RNFT2: variants seen among roughly 807,000 people sequenced by gnomAD.
RNFT2 encodes ring finger protein, transmembrane 2.
RNFT2 carries 36 observed loss-of-function variants against 53.0 expected under a neutral mutation model. The ratio of observed to expected loss-of-function variants is 0.68; its 90% CI spans 0.52 to 0.90. RNFT2 has a LOEUF of 0.90. Among genes scored for constraint, RNFT2 ranks in the 40% least tolerant of loss-of-function variants. RNFT2 has a pLI of 0.00. For missense variants in RNFT2, 514 were observed against 585.6 expected (o/e 0.88, Z 1.26); for synonymous variants, 260 against 253.2 (o/e 1.03, Z -0.26).
At chr12:116,826,302 C>T (rs1876335658) in intron 7 of RNFT2, among the ~76,000 whole-genome samples, 1 of 151,990 alleles carries the variant, frequency 6.6e-6, no homozygotes, top group Non-Finnish European at 1.5e-5. Context: ...CTTGACACTC[C>T]CACCCCCTTT....
intron 6 of RNFT2, among the ~76,000 whole-genome samples, chr12:116,771,011 C>T (rs920597642): frequency 6.6e-6 from 1 of 152,086 alleles, no homozygotes; most frequent in Non-Finnish European, 1.5e-5. Flanking sequence ...CATCCATTTA[C>T]GTATCATTTA....
intron 5 of RNFT2, among the ~76,000 whole-genome samples, chr12:116,756,285 G>A (rs111523257): frequency 0.025 from 3,725 of 151,934 alleles, 68 homozygotes; most frequent in Non-Finnish European, 0.036. Context: ...TTTCAACTCC[G>A]TGGTTAGGTA....
chr12:116,807,896 T>A (rs571529798), intron 7 of RNFT2, among the ~76,000 whole-genome samples: 11 of 152,270 alleles, frequency 7.2e-5, no homozygotes, highest in Non-Finnish European at 1.3e-4. Flanking sequence ...CTCAAACTCC[T>A]GGGCTCAAAC....
rs1344069565 is a variant in RNFT2 at position 116,850,187 on chromosome 12, G to A, written c.*739G>A. The A allele has an allele frequency of 1.8e-5, 2 of 110,474 alleles. 1 individual carries two copies. The highest frequency in any genetic ancestry group is 5.6e-4 in the South Asian group (2 of 3,586). The allele number at this position is 110,474 out of a possible 1,614,324, so 6.8% of individuals were successfully genotyped here. A position where few individuals can be genotyped will look rare whatever the true frequency, so the allele number is the denominator to read the frequency against. ...TTTTTTTTTTTGAGACAGGGTCTGG[G>A]TCTTCACCCAGGCTGGAGTGCAGTT... is the stretch of plus-strand genomic sequence containing the variant. On this transcript the variant is annotated 3_prime_UTR_variant, in exon 11 of 11. Coordinates refer to ENST00000257575, the MANE Select transcript of RNFT2 (RefSeq NM_001382266.1).
At chr12:116,798,542 T>G (rs1330860779) in intron 7 of RNFT2, among the ~76,000 whole-genome samples, 1 of 152,174 alleles carries the variant, frequency 6.6e-6, no homozygotes, top group African/African-American at 2.4e-5. Context: ...GGGATCATAA[T>G]AGTACCTATC....
chr12:116,834,799 T>G (rs1876873143), intron 8 of RNFT2, among the ~76,000 whole-genome samples: 1 of 152,102 alleles, frequency 6.6e-6, no homozygotes, highest in Non-Finnish European at 1.5e-5. Context: ...TATGATATTC[T>G]TTCCAATAGT....
chr12:116,832,148 A>AATATATAT (rs1555209703), intron 7 of RNFT2, among the ~76,000 whole-genome samples: 49 of 55,150 alleles, frequency 8.9e-4, no homozygotes, highest in Middle Eastern at 8.6e-3. Flanking sequence ...AAAAAAAAAA[A>AATATATAT]ATATATATAT....
chr12:116,756,713 T>C (rs147483590), intron 5 of RNFT2, among the ~76,000 whole-genome samples: 2,956 of 152,310 alleles, frequency 0.019, 46 homozygotes, highest in Middle Eastern at 0.058. Flanking sequence ...TTTGGTAATT[T>C]GTTGGATTCG....
chr12:116,761,844 G>A (rs763470051), intron 5 of RNFT2, among the ~76,000 whole-genome samples: 5 of 152,080 alleles, frequency 3.3e-5, no homozygotes, highest in Non-Finnish European at 7.4e-5. Context: ...TCAGCCTCAG[G>A]TGCCGCCTCT....
chr12:116,785,551 C>A (rs545532635), intron 7 of RNFT2, among the ~76,000 whole-genome samples: 1 of 152,176 alleles, frequency 6.6e-6, no homozygotes, highest in East Asian at 1.9e-4. Context: ...TTCAGCCTTC[C>A]AAAGTACTTG....
chr12:116,849,228 T>C (rs1877775270), intron 10 of RNFT2, 86 bp from the exon 11 acceptor site: 2 of 1,145,848 alleles, frequency 1.7e-6, no homozygotes, highest in Non-Finnish European at 2.5e-6. Context: ...GTTGTCTGTC[T>C]AGTCCGCTGC....
At chr12:116,765,418 C>T (rs118009373) in intron 5 of RNFT2, among the ~76,000 whole-genome samples, 1,599 of 152,208 alleles carry the variant, frequency 0.011, 13 homozygotes, top group South Asian at 0.03. Flanking sequence ...CATAACAGTG[C>T]GTGGGGCACT....
intron 7 of RNFT2, among the ~76,000 whole-genome samples, chr12:116,819,593 G>A (rs1875895276): frequency 6.6e-6 from 1 of 152,168 alleles, no homozygotes; most frequent in Non-Finnish European, 1.5e-5. Flanking sequence ...GCCAGGAGGG[G>A]GATTAATGGC....
chr12:116,742,337 G>T (rs553581123), intron 3 of RNFT2, among the ~76,000 whole-genome samples: 1 of 148,050 alleles, frequency 6.8e-6, no homozygotes, highest in African/African-American at 2.5e-5. Flanking sequence ...GCACGATCTC[G>T]GCTCACTGCA....
chr12:116,843,423 G>A (rs1049464515), intron 10 of RNFT2, among the ~76,000 whole-genome samples: 6 of 142,098 alleles, frequency 4.2e-5, no homozygotes, highest in African/African-American at 1.3e-4. Flanking sequence ...GCCCCAAAAG[G>A]TCGAGGCTGC....
intron 7 of RNFT2, among the ~76,000 whole-genome samples, chr12:116,803,238 T>A (rs1360621229): frequency 6.6e-6 from 1 of 152,174 alleles, no homozygotes; most frequent in Admixed American, 6.5e-5. Context: ...GGTTATAAAG[T>A]CCTCTGGGTG....
At chr12:116,759,786 G>A (rs1872628127) in intron 5 of RNFT2, among the ~76,000 whole-genome samples, 1 of 152,178 alleles carries the variant, frequency 6.6e-6, no homozygotes, top group Non-Finnish European at 1.5e-5. Flanking sequence ...AATGGACTCC[G>A]TGAGGGTTCT....
At chr12:116,838,262 C>T (rs985935933) in intron 10 of RNFT2, among the ~76,000 whole-genome samples, 2 of 152,144 alleles carry the variant, frequency 1.3e-5, no homozygotes, top group Non-Finnish European at 2.9e-5. Flanking sequence ...AGATCAATTG[C>T]ACCAACCTGG....
chr12:116,851,964 A>T lies in RNFT2; in HGVS notation c.*2516A>T. ...TGGTAGCCTTCAGAGCAAACAGGACAACCTATGTTATGGATGTTTCCACCA... is the reference window on the plus strand; with the variant it reads ...TGGTAGCCTTCAGAGCAAACAGGACTACCTATGTTATGGATGTTTCCACCA... On this transcript the variant is annotated 3_prime_UTR_variant, in exon 11 of 11. Transcript: ENST00000257575. The T allele has an allele frequency of 6.6e-7, 1 of 1,512,530 alleles. No individual in the cohort carries two copies. The highest frequency in any genetic ancestry group is 8.8e-7 in the Non-Finnish European group (1 of 1,137,764). 93.7% of individuals were successfully genotyped at this position (1,512,530 alleles called of 1,614,324 possible).
Sources: allele counts gnomAD v4.1 joint callset (sites outside exome capture counted in the v4.1 genomes callset), GRCh38; gene constraint gnomAD v4.1.1; transcripts MANE v1.5; gene names NCBI Gene and HGNC (gene_info 2026-07-23, HGNC 2026-07-21).